KLF8: variants seen among roughly 807,000 people sequenced by gnomAD.
KLF8 encodes KLF transcription factor 8.
KLF8 carries 10 observed loss-of-function variants against 18.2 expected under a neutral mutation model. That is an observed-to-expected ratio of 0.55 (90% CI 0.34 to 0.93). KLF8 has a LOEUF of 0.93. Ranked by LOEUF, KLF8 falls within the 40% of genes least tolerant of loss-of-function variation. KLF8 has a pLI of 0.02. For synonymous variants in KLF8, 109 were observed against 97.3 expected, an observed-to-expected ratio of 1.12 and a Z score of -0.71; for missense variants, 264 against 277.9, an observed-to-expected ratio of 0.95 and a Z score of 0.36.
chrX:56,188,629 G>GCTA, the KLF8 span, among the ~76,000 whole-genome samples: 2 of 111,941 alleles, frequency 1.8e-5, no homozygotes, highest in Non-Finnish European at 3.8e-5. Context: ...ATACTACAAT[G>GCTA]CTACAGTAAC....
the KLF8 span, among the ~76,000 whole-genome samples, chrX:56,119,052 T>C: frequency 6.5e-4 from 72 of 111,073 alleles, no homozygotes; most frequent in Non-Finnish European, 1.3e-4. Context: ...TAGCTTTTCT[T>C]AAATCTGTGA....
chrX:56,187,041 G>A, the KLF8 span, among the ~76,000 whole-genome samples: 1 of 111,537 alleles, frequency 9.0e-6, no homozygotes, highest in Admixed American at 9.5e-5. Flanking sequence ...AGAACTGAAG[G>A]AAAGAGAGAC....
At chrX:55,990,029 T>C in the KLF8 span, among the ~76,000 whole-genome samples, 1 of 111,832 alleles carries the variant, frequency 8.9e-6, no homozygotes, top group African/African-American at 3.3e-5. Flanking sequence ...AGTTTGTATT[T>C]CTGTGGGATC....
chrX:56,161,753 G>A, the KLF8 span, among the ~76,000 whole-genome samples: 6 of 111,709 alleles, frequency 5.4e-5, no homozygotes, highest in African/African-American at 2.0e-4. Context: ...ATCATCTGAA[G>A]CCTTCTGCTC....
the KLF8 span, among the ~76,000 whole-genome samples, chrX:55,989,644 G>T: frequency 9.0e-6 from 1 of 111,374 alleles, no homozygotes; most frequent in Admixed American, 9.5e-5. Flanking sequence ...GTTCGTCGGG[G>T]ATATTGGTCT....
At chrX:56,017,785 T>C in the KLF8 span, among the ~76,000 whole-genome samples, 1 of 112,128 alleles carries the variant, frequency 8.9e-6, no homozygotes, top group Non-Finnish European at 1.9e-5. Flanking sequence ...TAAAGCCAAA[T>C]GAAGAAAAAT....
the KLF8 span, among the ~76,000 whole-genome samples, chrX:56,131,039 G>A: frequency 1.8e-5 from 2 of 111,199 alleles, no homozygotes; most frequent in Non-Finnish European, 1.9e-5. Flanking sequence ...TAAGAAAGTG[G>A]AAATCTAAAC....
At chrX:55,940,605 A>G in the KLF8 span, among the ~76,000 whole-genome samples, 2 of 111,853 alleles carry the variant, frequency 1.8e-5, no homozygotes, top group Non-Finnish European at 3.8e-5. Context: ...TTTGCAGATG[A>G]CATGATTATA....
the KLF8 span, among the ~76,000 whole-genome samples, chrX:55,920,890 T>A: frequency 8.9e-6 from 1 of 111,981 alleles, no homozygotes; most frequent in South Asian, 3.7e-4. Context: ...ATGCTAGACA[T>A]CTAAACTTAA....
the KLF8 span, among the ~76,000 whole-genome samples, chrX:56,095,491 CA>C: frequency 3.7e-5 from 4 of 107,040 alleles, no homozygotes; most frequent in African/African-American, 6.8e-5. Flanking sequence ...TTCTGCACAG[CA>C]AAAAAAAAGC....
chrX:55,931,114 C>T, the KLF8 span, among the ~76,000 whole-genome samples: 1 of 110,187 alleles, frequency 9.1e-6, no homozygotes, highest in Non-Finnish European at 1.9e-5. Context: ...TTGGTCTTGG[C>T]AGAGTGTGTG....
At chrX:56,051,167 T>A in the KLF8 span, among the ~76,000 whole-genome samples, 1 of 111,377 alleles carries the variant, frequency 9.0e-6, no homozygotes, top group Non-Finnish European at 1.9e-5. Flanking sequence ...TGTGTCTCTG[T>A]ACGTGAGATG....
the KLF8 span, among the ~76,000 whole-genome samples, chrX:56,140,797 TAAAA>T: frequency 6.8e-5 from 3 of 43,909 alleles, no homozygotes; most frequent in Non-Finnish European, 8.0e-5. Context: ...GCCCCTCCAG[TAAAA>T]AAAAAAAAAA....
the KLF8 span, among the ~76,000 whole-genome samples, chrX:56,048,037 A>G: frequency 9.0e-6 from 1 of 111,581 alleles, no homozygotes; most frequent in Non-Finnish European, 1.9e-5. Flanking sequence ...GCATTTTTTC[A>G]TGTGTTTTTT....
chrX:56,240,383 T>G (rs2066528461), intron 1 of KLF8, among the ~76,000 whole-genome samples: 1 of 112,238 alleles, frequency 8.9e-6, no homozygotes, highest in African/African-American at 3.2e-5. Flanking sequence ...ATTGTATTGT[T>G]ACAAATTATT....
At chrX:56,272,203 A>G (rs2067066079) in intron 5 of KLF8, among the ~76,000 whole-genome samples, 1 of 110,269 alleles carries the variant, frequency 9.1e-6, no homozygotes, top group South Asian at 3.9e-4. Context: ...TGATGTCTAC[A>G]TGAATCTCAC....
the KLF8 span, among the ~76,000 whole-genome samples, chrX:56,197,379 G>A: frequency 9.0e-6 from 1 of 111,405 alleles, no homozygotes; most frequent in Admixed American, 9.5e-5. Flanking sequence ...GAATCAAATA[G>A]ATGCAATAAA....
the KLF8 span, among the ~76,000 whole-genome samples, chrX:55,966,751 G>A: frequency 9.0e-6 from 1 of 111,448 alleles, no homozygotes; most frequent in East Asian, 2.8e-4. Flanking sequence ...AGACCATCCA[G>A]GAAAACATGC....
At chrX:56,146,846 T>C in the KLF8 span, among the ~76,000 whole-genome samples, 11 of 111,985 alleles carry the variant, frequency 9.8e-5, no homozygotes, top group African/African-American at 2.9e-4. Flanking sequence ...GTGAAAAAGG[T>C]TTAAAACACA....
Sources: gnomAD v4.1 joint callset for allele counts (sites outside exome capture counted in the v4.1 genomes callset) on GRCh38, gnomAD v4.1.1 for gene constraint, MANE v1.5 for transcripts, NCBI Gene and HGNC (gene_info 2026-07-23, HGNC 2026-07-21) for gene names.